Variants in E2F1 observed in about 807,000 individuals in gnomAD.
The protein encoded by E2F1 is transcription factor E2F1.
Under a neutral mutation model 36.9 loss-of-function variants are expected in E2F1, and 7 were observed. That is an observed-to-expected ratio of 0.19 (90% CI 0.11 to 0.36). The LOEUF is 0.36. Among genes scored for constraint, E2F1 ranks in the 10% least tolerant of loss-of-function variants. The probability of loss-of-function intolerance (pLI) is 1.00; values close to 1 mark genes in which losing one functional copy is unlikely to be tolerated. For synonymous variants in E2F1, 261 were observed against 263.1 expected (o/e 0.99, Z 0.08); for missense variants, 406 against 573.6 (o/e 0.71, Z 2.99).
rs1372289015 is a variant in E2F1 at position 33,676,747 on chromosome 20, G to C, written c.1299C>G (p.Thr433=). Residue 433 remains threonine, a synonymous_variant, in exon 7 of 7, where the codon ACC becomes ACG. Transcript: ENST00000343380. ...DLFDCDFGDL[T]PLDF is the part of the protein sequence containing the mutation. ...CCAAGCCCTGTCAGAAATCCAGGGG[G>C]GTGAGGTCCCCAAAGTCACAGTCGA... is the stretch of plus-strand genomic sequence containing the variant. 3 of 1,609,220 alleles carry C rather than the reference G, an allele frequency of 1.9e-6. No individual in the cohort carries two copies. Among genetic ancestry groups the C allele is most frequent in the South Asian group, 2.2e-5 (2 of 90,268 alleles).
intron 3 of E2F1, 99 bp from the exon 4 acceptor site, chr20:33,678,452 G>A (rs1166906512): frequency 6.9e-7 from 1 of 1,450,930 alleles, no homozygotes; most frequent in African/African-American, 1.4e-5. Flanking sequence ...CCTCTGTTCT[G>A]TGAGGCCTAG....
intron 3 of E2F1, among the ~76,000 whole-genome samples, chr20:33,678,826 T>C (rs1465045386): frequency 6.6e-6 from 1 of 152,120 alleles, no homozygotes; most frequent in Non-Finnish European, 1.5e-5. Flanking sequence ...CATGGTGGCA[T>C]GTACTTGTAG....
intron 4 of E2F1, among the ~76,000 whole-genome samples, chr20:33,677,754 C>T (rs1319605133): frequency 1.3e-5 from 2 of 152,122 alleles, no homozygotes; most frequent in African/African-American, 2.4e-5. Flanking sequence ...CTACCGGGAA[C>T]GATTCCATGT....
At chr20:33,678,413 C>T (rs910290764) in intron 3 of E2F1, 60 bp from the exon 4 acceptor site, 2 of 1,594,158 alleles carry the variant, frequency 1.3e-6, no homozygotes, top group East Asian at 2.2e-5. Context: ...GGCCAGGAGC[C>T]CTGGGCCTCA....
Position 33,679,155 on chromosome 20 carries a change from G to C in E2F1, c.572+600C>G, listed in dbSNP as rs994464350. Among the ~76,000 whole-genome samples, 1 of 152,240 alleles carries C rather than the reference G, an allele frequency of 6.6e-6. No homozygotes were observed. The highest frequency in any genetic ancestry group is 2.4e-5 in the African/African-American group (1 of 41,454). ...ATAGTGGTGACCTGGCGGTGTGAGGGGTTGGCAATGACTGGAAAGGGGCAC... is the reference window on the plus strand; with the variant it reads ...ATAGTGGTGACCTGGCGGTGTGAGGCGTTGGCAATGACTGGAAAGGGGCAC... On this transcript the variant is annotated intron_variant, in intron 3 of 6. Transcript: ENST00000343380. This position sits in a 1 kb window ranked among gnomAD's most constrained non-coding sequence, Gnocchi z 4.6.
chr20:33,685,936 G>A, intron 1 of E2F1, 68 bp downstream of exon 1: 1 of 1,077,214 alleles, frequency 9.3e-7, no homozygotes. Context: ...GGCCAAACAC[G>A]GCGCCCTCCC....
intron 1 of E2F1, among the ~76,000 whole-genome samples, chr20:33,684,343 C>A (rs1388649451): frequency 6.6e-6 from 1 of 152,184 alleles, no homozygotes; most frequent in Non-Finnish European, 1.5e-5. Context: ...CAAGTGGTAC[C>A]CACAGGAACA....
At chr20:33,685,977 T>G in intron 1 of E2F1, 27 bp downstream of exon 1, 1 of 1,125,254 alleles carries the variant, frequency 8.9e-7, no homozygotes, top group Middle Eastern at 3.7e-4. Context: ...GGCGGCGCTG[T>G]CGGCGCGGCG....
At chr20:33,681,399 T>C (rs1054788970) in intron 1 of E2F1, among the ~76,000 whole-genome samples, 4 of 152,216 alleles carry the variant, frequency 2.6e-5, no homozygotes, top group African/African-American at 9.6e-5. Flanking sequence ...TTGACTAATC[T>C]ATACGCATGG....
In E2F1 at chr20:33,686,097, G is replaced by C; in HGVS notation, c.168C>G (p.Ala56=). 9.2e-7 allele frequency: 1 copy of C among 1,087,136 alleles called. No individual in the cohort carries two copies. Among genetic ancestry groups the C allele is most frequent in the Non-Finnish European group, 1.1e-6 (1 of 897,602 alleles). The allele number at this position is 1,087,136 out of a possible 1,614,324, so 67.3% of individuals were successfully genotyped here. ...PAPTGPAAPA[A]GPCDPDLLLF... Reference sequence around the variant, plus strand: ...GCAGCAGGTCAGGGTCGCAGGGGCCGGCGGCGGGCGCCGCGGGGCCGGTGG... The same window carrying C: ...GCAGCAGGTCAGGGTCGCAGGGGCCCGCGGCGGGCGCCGCGGGGCCGGTGG... Residue 56 remains alanine (A), a synonymous_variant, in exon 1 of 7, where the codon GCC becomes GCG. Transcript: ENST00000343380.
At chr20:33,685,121 C>A (rs951046993) in intron 1 of E2F1, among the ~76,000 whole-genome samples, 12 of 152,214 alleles carry the variant, frequency 7.9e-5, no homozygotes, top group African/African-American at 2.9e-4. Flanking sequence ...ATTAAAGGAT[C>A]TCCCTGAGAC....
chr20:33,677,419 A>T lies in E2F1; in HGVS notation c.840+7T>A, dbSNP rs1182713488. On this transcript the variant is annotated splice_region_variant and intron_variant, in intron 5 of 6. Coordinates refer to ENST00000343380, the MANE Select transcript of E2F1 (RefSeq NM_005225.3). The stretch of plus-strand genomic sequence containing the variant: ...GCCCAGTTGGGCCCGGAGTTCCCAG[A>T]TCTCACCTCCGAAGAGTCCACGGCT... The T allele has an allele frequency of 6.2e-7, 1 of 1,613,580 alleles. No individual in the cohort carries two copies.
chr20:33,683,047 T>C (rs1445226101), intron 1 of E2F1, among the ~76,000 whole-genome samples: 2 of 152,046 alleles, frequency 1.3e-5, no homozygotes, highest in African/African-American at 4.8e-5. Flanking sequence ...TTTTAAAACT[T>C]TAAAAAACAA....
rs771273717 is a variant in E2F1, at chr20:33,678,240, G to T, written c.686C>A (p.Thr229Lys). The change falls in exon 4 of 7, where the codon ACG becomes AAG. Residue 229 changes from threonine to lysine, a missense_variant. This residue lies in a region of E2F1 where 93 missense variants were observed against 143.3 expected (regional missense o/e 0.65). Transcript: ENST00000343380. ...GTCCTCGGAGAGCAGGCGCAGCTGC[G>T]TAGTACAGATATTCATCAGGTGGTC... ...QLDHLMNICT[T>K]QLRLLSEDTD... is the part of the protein sequence containing the mutation. The T allele has an allele frequency of 3.7e-6, 6 of 1,613,816 alleles. No homozygotes were observed. In the East Asian group the frequency reaches 1.3e-4, roughly 36 times the overall value.
At chr20:33,684,077 C>T (rs1170693502) in intron 1 of E2F1, among the ~76,000 whole-genome samples, 2 of 152,220 alleles carry the variant, frequency 1.3e-5, no homozygotes, top group African/African-American at 4.8e-5. Context: ...GGCTCCTTGT[C>T]TCTGGGCCTA....
rs112195052 is a variant in E2F1, at chr20:33,679,613, C to T, written c.572+142G>A. The T allele has an allele frequency of 1.4e-6, 1 of 723,666 alleles. No individual in the cohort carries two copies. Among genetic ancestry groups the T allele is most frequent in the African/African-American group, 1.7e-5 (1 of 57,286 alleles). The allele number at this position is 723,666 out of a possible 1,614,324, so 44.8% of individuals were successfully genotyped here. On this transcript the variant is annotated intron_variant, in intron 3 of 6. Transcript: ENST00000343380. This position sits in a 1 kb window ranked among gnomAD's most constrained non-coding sequence, Gnocchi z 4.6. ...TTGTGTGCTTTTTACCATCTATCAT[C>T]TCAGGGAAGCTACCTCTCCTCTCTG... is the stretch of plus-strand genomic sequence containing the variant.
chr20:33,676,791 C>A lies in E2F1; in HGVS notation c.1255G>T (p.Glu419Ter). ...CAGTCGAAGAGGTCTCTGATGCCCT[C>A]GCCCTCCTCGAGGCCGAAGTGGTAG... ...LDYHFGLEEG[E>*]GIRDLFDCDF... The change falls in exon 7 of 7, where the codon GAG becomes TAG. Residue 419 changes from glutamate to a stop codon, truncating the protein, a stop_gained. Transcript: ENST00000343380. LOFTEE classifies it high-confidence loss of function. 1 of 1,604,682 alleles carries A rather than the reference C, an allele frequency of 6.2e-7. No homozygotes were observed. The highest frequency in any genetic ancestry group is 1.1e-5 in the South Asian group (1 of 89,482).
At chr20:33,682,258 T>C (rs2018024990) in intron 1 of E2F1, among the ~76,000 whole-genome samples, 2 of 152,180 alleles carry the variant, frequency 1.3e-5, no homozygotes, top group South Asian at 4.1e-4. Context: ...CTCCCTCTTG[T>C]GCACATTCAC....
chr20:33,683,772 CA>C (rs892718749), intron 1 of E2F1, among the ~76,000 whole-genome samples: 8 of 142,594 alleles, frequency 5.6e-5, no homozygotes, highest in African/African-American at 1.3e-4. Context: ...ACCCTGTCTC[CA>C]AAAAAAAAAT....
Sources: allele counts gnomAD v4.1 joint callset (sites outside exome capture counted in the v4.1 genomes callset), GRCh38; gene constraint gnomAD v4.1.1; regional missense constraint gnomAD v4.1.1; non-coding constraint Gnocchi (gnomAD v3.1); transcripts MANE v1.5; gene names NCBI Gene and HGNC (gene_info 2026-07-23, HGNC 2026-07-21).